The following ADAMTSL3 variants were observed in gnomAD, a reference collection of about 807,000 sequenced individuals.
ADAMTSL3 encodes ADAMTS like 3, also known as ADAMTS-like protein 3.
Under a neutral mutation model 201.7 loss-of-function variants are expected in ADAMTSL3, and 128 were observed. That is an observed-to-expected ratio of 0.63 (90% CI 0.55 to 0.73). The LOEUF is 0.73. ADAMTSL3 is among the 30% of genes least tolerant of loss of function. The pLI, the probability that ADAMTSL3 is intolerant of heterozygous loss-of-function variation, is 0.00. For synonymous variants in ADAMTSL3, 738 were observed against 748.4 expected (o/e 0.99, Z 0.23); for missense variants, 1,990 against 2,119.6 (o/e 0.94, Z 1.20).
In ADAMTSL3 at chr15:84,037,935, T is replaced by G; in HGVS notation, c.*129T>G. ...ATTCTATGGATCAAACAGAGGTTGA[T>G]GCAAAAACACCACTGTTAAGGTGTA... On this transcript the variant is annotated 3_prime_UTR_variant, in exon 30 of 30. Transcript: ENST00000286744. 7.4e-7 allele frequency: 1 copy of G among 1,347,032 alleles called. No homozygotes were observed. The highest frequency in any genetic ancestry group is 9.8e-7 in the Non-Finnish European group (1 of 1,022,980). The allele number at this position is 1,347,032 out of a possible 1,614,324, so 83.4% of individuals were successfully genotyped here.
rs767874300 is a variant in ADAMTSL3, at chr15:83,899,699, A to G, written c.1668A>G (p.Leu556=). 16 of 1,612,062 alleles carry G rather than the reference A, an allele frequency of 9.9e-6. No individual in the cohort carries two copies. Among genetic ancestry groups the G allele is most frequent in the Non-Finnish European group, 1.3e-5 (15 of 1,178,668 alleles). ...CTTGGCTGAAACAAGCACAAGAACTAGAAGAGACCAGAATAGCAACAGAAG... is the reference window on the plus strand; with the variant it reads ...CTTGGCTGAAACAAGCACAAGAACTGGAAGAGACCAGAATAGCAACAGAAG... ...KLPWLKQAQE[L]EETRIATEEP... is the part of the protein sequence containing the mutation. The change falls in exon 15 of 30, where the codon CTA becomes CTG. Residue 556 remains leucine, a synonymous_variant. Coordinates refer to ENST00000286744, the MANE Select transcript of ADAMTSL3 (RefSeq NM_207517.3).
intron 3 of ADAMTSL3, among the ~76,000 whole-genome samples, chr15:83,726,728 C>T (rs527779175): frequency 5.3e-5 from 8 of 152,106 alleles, no homozygotes; most frequent in Non-Finnish European, 1.0e-4. Flanking sequence ...ATCCTTGCAT[C>T]CCTGGAATAA....
At chr15:83,955,879 G>A (rs2066852246) in intron 19 of ADAMTSL3, among the ~76,000 whole-genome samples, 1 of 152,048 alleles carries the variant, frequency 6.6e-6, no homozygotes, top group African/African-American at 2.4e-5. Flanking sequence ...TGTGCTGCTT[G>A]GGGTTGAGGG....
In ADAMTSL3 at chr15:83,870,890, A is replaced by G. The variant is rs372330959; in HGVS notation, c.891A>G (p.Glu297=). 6.2e-7 allele frequency: 1 copy of G among 1,613,400 alleles called. No homozygotes were observed. Among genetic ancestry groups the G allele is most frequent in the African/African-American group, 1.3e-5 (1 of 74,904 alleles). ...TTCTCGTAGAAAACACAACAGTGGA[A>G]TTTCAGAGGGGCTCCGAGAGGCAAA... ...GVFLVENTTV[E]FQRGSERQTF... is the part of the protein sequence containing the mutation. The change falls in exon 9 of 30, where the codon GAA becomes GAG. Residue 297 remains glutamate (E), a synonymous_variant. Coordinates refer to ENST00000286744, the MANE Select transcript of ADAMTSL3 (RefSeq NM_207517.3).
At chr15:83,804,717 T>C (rs1457753522) in intron 5 of ADAMTSL3, 22 bp downstream of exon 5, 1 of 1,547,278 alleles carries the variant, frequency 6.5e-7, no homozygotes. Flanking sequence ...AATAAAATTA[T>C]TTTATCCAAT....
At chr15:83,815,162 A>T (rs1165859267) in intron 5 of ADAMTSL3, among the ~76,000 whole-genome samples, 3 of 151,994 alleles carry the variant, frequency 2.0e-5, no homozygotes, top group Non-Finnish European at 4.4e-5. Context: ...GCACTGACTG[A>T]CACTTCCTTT....
rs149222741 is a variant in ADAMTSL3, at chr15:83,706,934, G to A, written c.189+2426G>A. Among the ~76,000 whole-genome samples, 38 of 152,202 alleles carry A rather than the reference G, an allele frequency of 2.5e-4. 1 individual carries two copies. The East Asian group carries it at 7.0e-3, about 28-fold the overall frequency. ...TCTGCTCTCCTCGGCCTCCCAAAGC[G>A]TTGGGATTACAGGTGTGAGCCACTG... On this transcript the variant is annotated intron_variant, in intron 3 of 29. Coordinates refer to ENST00000286744, the MANE Select transcript of ADAMTSL3 (RefSeq NM_207517.3).
At chr15:83,739,687 G>A in intron 3 of ADAMTSL3, 1 of 247,138 alleles carries the variant, frequency 4.0e-6, no homozygotes, top group South Asian at 5.6e-5. Flanking sequence ...GTCATGGATT[G>A]CGTCTCCCCT....
At chr15:83,715,763 C>T (rs951931972) in intron 3 of ADAMTSL3, among the ~76,000 whole-genome samples, 1 of 152,140 alleles carries the variant, frequency 6.6e-6, no homozygotes, top group African/African-American at 2.4e-5. Context: ...ACAGCTTGGC[C>T]CCAGGTTACC....
chr15:83,926,518 A>G (rs530852425), intron 17 of ADAMTSL3, among the ~76,000 whole-genome samples: 249 of 152,340 alleles, frequency 1.6e-3, no homozygotes, highest in African/African-American at 5.8e-3. Flanking sequence ...CCAGCCCACC[A>G]CAATTTCATT....
intron 23 of ADAMTSL3, among the ~76,000 whole-genome samples, chr15:83,999,665 GCACTTGGTGCTCCAAGAGGTA>G (rs1285139564): frequency 6.6e-6 from 1 of 152,206 alleles, no homozygotes; most frequent in Non-Finnish European, 1.5e-5. Context: ...TCAAAGCAGG[GCACTTGGTGCTCCAAGAGGTA>G]TGTGGAGGCA....
Position 83,951,003 on chromosome 15 carries a change from CTT to C in ADAMTSL3, c.2490+7934_2490+7935del, listed in dbSNP as rs75663059. 3.9e-3 allele frequency among the ~76,000 whole-genome samples: 524 copies of C among 133,458 alleles called. 4 individuals carry two copies. Among genetic ancestry groups the C allele is most frequent in the African/African-American group, 0.014 (497 of 36,802 alleles). The allele number at this position is 133,458 out of a possible 152,430, so 87.6% of individuals were successfully genotyped here. ...GGATGCCCTTTATTTCTTTTCTTTT[CTT>C]TTTTTTTTTTTTCACCTGATTCCTC... is the stretch of plus-strand genomic sequence containing the variant. On this transcript the variant is annotated intron_variant, in intron 19 of 29. Coordinates refer to ENST00000286744, the MANE Select transcript of ADAMTSL3 (RefSeq NM_207517.3).
At chr15:83,829,006 T>G (rs556142667) in intron 6 of ADAMTSL3, among the ~76,000 whole-genome samples, 23 of 152,252 alleles carry the variant, frequency 1.5e-4, no homozygotes, top group Admixed American at 2.6e-4. Context: ...TTGTGTCTCT[T>G]CCAGGCTTTG....
intron 19 of ADAMTSL3, among the ~76,000 whole-genome samples, chr15:83,952,890 C>G (rs1355111738): frequency 2.6e-5 from 4 of 151,860 alleles, no homozygotes; most frequent in Non-Finnish European, 4.4e-5. Context: ...CATTCTTTGC[C>G]TGTTCTTACA....
chr15:83,774,627 G>A (rs1248470374), intron 4 of ADAMTSL3, among the ~76,000 whole-genome samples: 1 of 152,196 alleles, frequency 6.6e-6, no homozygotes, highest in African/African-American at 2.4e-5. Flanking sequence ...GAGCATGGAA[G>A]CTTCAGTAAA....
At chr15:83,779,593 G>T (rs2063133256) in intron 4 of ADAMTSL3, among the ~76,000 whole-genome samples, 1 of 150,852 alleles carries the variant, frequency 6.6e-6, no homozygotes, top group African/African-American at 2.4e-5. Context: ...AGCTACTCTG[G>T]AGGCTGAGGC....
intron 3 of ADAMTSL3, among the ~76,000 whole-genome samples, chr15:83,713,182 A>G (rs1001501282): frequency 6.6e-6 from 1 of 152,116 alleles, no homozygotes; most frequent in Non-Finnish European, 1.5e-5. Flanking sequence ...TCTGTCTTAG[A>G]TGGCCTTCTG....
intron 4 of ADAMTSL3, among the ~76,000 whole-genome samples, chr15:83,796,232 G>C (rs2063423750): frequency 6.6e-6 from 1 of 151,868 alleles, no homozygotes; most frequent in Non-Finnish European, 1.5e-5. Context: ...TGAAATAGAA[G>C]GATAACTCTC....
chr15:83,890,179 C>A lies in ADAMTSL3; in HGVS notation c.1143C>A (p.His381Gln). The A allele has an allele frequency of 6.2e-7, 1 of 1,614,028 alleles. No individual in the cohort carries two copies. The highest frequency in any genetic ancestry group is 1.7e-5 in the Admixed American group (1 of 60,026). ...LKRVVPDHYC[H>Q]YYPENVKPKP... ...GGGTAGTTCCTGACCATTATTGTCACTACTACCCTGAAAATGTAAAACCAA... is the reference window on the plus strand; with the variant it reads ...GGGTAGTTCCTGACCATTATTGTCAATACTACCCTGAAAATGTAAAACCAA... The change falls in exon 11 of 30, where the codon CAC becomes CAA. Residue 381 changes from histidine to glutamine, a missense_variant. Coordinates refer to ENST00000286744, the MANE Select transcript of ADAMTSL3 (RefSeq NM_207517.3).
Sources: gnomAD v4.1 joint callset for allele counts (sites outside exome capture counted in the v4.1 genomes callset) on GRCh38, gnomAD v4.1.1 for gene constraint, MANE v1.5 for transcripts, NCBI Gene and HGNC (gene_info 2026-07-23, HGNC 2026-07-21) for gene names.